The following MYCBP2 variants were observed in gnomAD, a reference collection of about 807,000 sequenced individuals.
MYCBP2 encodes E3 ubiquitin-protein ligase MYCBP2.
MYCBP2 carries 120 observed loss-of-function variants against 525.3 expected under a neutral mutation model. That is an observed-to-expected ratio of 0.23 (90% CI 0.20 to 0.27). MYCBP2 has a LOEUF of 0.27. Ranked by LOEUF, MYCBP2 falls within the 10% of genes least tolerant of loss-of-function variation. The pLI, the probability that MYCBP2 is intolerant of heterozygous loss-of-function variation, is 1.00. For synonymous variants in MYCBP2, 1,894 were observed against 1,955.8 expected, an observed-to-expected ratio of 0.97 and a Z score of 0.83; for missense variants, 4,149 against 5,657.1, an observed-to-expected ratio of 0.73 and a Z score of 8.55.
intron 26 of MYCBP2, 39 bp from the exon 27 acceptor site, chr13:77,194,283 C>A: frequency 7.3e-7 from 1 of 1,365,780 alleles, no homozygotes; most frequent in Non-Finnish European, 1.0e-6. Flanking sequence ...TATAAATCAG[C>A]TATACATATC....
At chr13:77,104,382 AG>A (rs2047543501) in intron 55 of MYCBP2, among the ~76,000 whole-genome samples, 1 of 152,148 alleles carries the variant, frequency 6.6e-6, no homozygotes, top group South Asian at 2.1e-4. Context: ...AGTGGTGAAC[AG>A]GAACAAAGTC....
At chr13:77,103,243 G>A (rs748261337) in intron 55 of MYCBP2, 11 of 397,750 alleles carry the variant, frequency 2.8e-5, no homozygotes, top group African/African-American at 8.2e-5. Flanking sequence ...AGAGAGCAGA[G>A]GCAGGCCCAG....
chr13:77,078,380 G>A (rs1234965103), intron 66 of MYCBP2, among the ~76,000 whole-genome samples: 1 of 152,158 alleles, frequency 6.6e-6, no homozygotes, highest in Non-Finnish European at 1.5e-5. Context: ...AACTTAACTT[G>A]TTTCTAAAGT....
chr13:77,166,379 T>C lies in MYCBP2; in HGVS notation c.6290A>G (p.Lys2097Arg), dbSNP rs1329084342. 5.0e-6 allele frequency: 8 copies of C among 1,614,054 alleles called. No homozygotes were observed. The South Asian group carries it at 6.6e-5, about 13-fold the overall frequency. ...CCACCCAGAGGATCCTGAAAATTTC[T>C]TTAATTCTATCCATGAATTAAGATT... Reference protein sequence around the residue: ...HENLNSWIELKKFSGSSGWPT... With the variant: ...HENLNSWIELRKFSGSSGWPT... The change falls in exon 41 of 83, where the codon AAG becomes AGG. Residue 2097 changes from lysine to arginine, a missense_variant. Lys to Arg is a conservative substitution (Grantham distance 26). Coordinates refer to ENST00000544440, the MANE Select transcript of MYCBP2 (RefSeq NM_015057.5).
intron 55 of MYCBP2, chr13:77,099,540 CAA>C (rs1594529306): frequency 6.0e-6 from 1 of 166,378 alleles, no homozygotes; most frequent in African/African-American, 2.4e-5. Flanking sequence ...ATTAGGCTAA[CAA>C]AGAGTTGCTT....
rs2082339882 is a variant in MYCBP2, at chr13:77,326,559, G to A, written c.217C>T (p.Leu73=). Residue 73 remains leucine (L), a synonymous_variant, in exon 1 of 83, where the codon CTG becomes TTG. Coordinates refer to ENST00000544440, the MANE Select transcript of MYCBP2 (RefSeq NM_015057.5). The surrounding 1 kb of genome is among the most constrained non-coding windows in gnomAD (Gnocchi z 4.2). ...HYQLLLSGRA[L]ADRYRRIYTA... ...TAAATCCTCCGGTAGCGGTCGGCCA[G>A]GGCCCGGCCTGACAGCAGCAGCTGG... 6.3e-7 allele frequency: 1 copy of A among 1,598,026 alleles called. No individual in the cohort carries two copies. Among genetic ancestry groups the A allele is most frequent in the Non-Finnish European group, 8.5e-7 (1 of 1,172,930 alleles).
chr13:77,319,401 C>T (rs1567249675), intron 1 of MYCBP2, among the ~76,000 whole-genome samples: 1 of 152,212 alleles, frequency 6.6e-6, no homozygotes, highest in Non-Finnish European at 1.5e-5. Context: ...CCAACCAGAA[C>T]ACTGACCTTA....
intron 23 of MYCBP2, among the ~76,000 whole-genome samples, chr13:77,208,564 A>G (rs1278931842): frequency 3.9e-5 from 6 of 152,208 alleles, no homozygotes; most frequent in Non-Finnish European, 7.3e-5. Flanking sequence ...TTAAATACTG[A>G]CTTGGAAAGA....
intron 55 of MYCBP2, among the ~76,000 whole-genome samples, chr13:77,101,643 C>T (rs533825109): frequency 2.0e-5 from 3 of 152,040 alleles, no homozygotes; most frequent in South Asian, 4.1e-4. Context: ...CAGCTAAATA[C>T]CTGTTGAAGT....
Position 77,098,161 on chromosome 13 carries a change from C to G in MYCBP2, c.8993G>C (p.Arg2998Thr). 6.2e-7 allele frequency: 1 copy of G among 1,613,658 alleles called. No homozygotes were observed. Among genetic ancestry groups the G allele is most frequent in the Non-Finnish European group, 8.5e-7 (1 of 1,179,758 alleles). Residue 2998 changes from arginine to threonine, a missense_variant, in exon 56 of 83, where the codon AGG becomes ACG. Arg to Thr is a moderately conservative substitution (Grantham distance 71). Coordinates refer to ENST00000544440, the MANE Select transcript of MYCBP2 (RefSeq NM_015057.5). Reference protein sequence around the residue: ...ISRKCANRHTRPKKEKSSFLF... With the variant: ...ISRKCANRHTTPKKEKSSFLF... ...AAAACTCGATTTTTCTTTTTTGGGCCTGGTGTGTCTATTAGCACATTTTCG... is the reference window on the plus strand; with the variant it reads ...AAAACTCGATTTTTCTTTTTTGGGCGTGGTGTGTCTATTAGCACATTTTCG...
At chr13:77,322,081 A>G (rs934369095) in intron 1 of MYCBP2, among the ~76,000 whole-genome samples, 1 of 152,198 alleles carries the variant, frequency 6.6e-6, no homozygotes, top group Admixed American at 6.5e-5. Context: ...AGATCACTTG[A>G]GCCCAAGAGG....
chr13:77,205,259 A>C lies in MYCBP2; in HGVS notation c.3840T>G (p.Ile1280Met). 6.3e-7 allele frequency: 1 copy of C among 1,582,774 alleles called. No individual in the cohort carries two copies. Among genetic ancestry groups the C allele is most frequent in the Non-Finnish European group, 8.6e-7 (1 of 1,162,768 alleles). ...CAACATTGTTGATGAACTTTACCTT[A>C]ATTTTAGCAGTATATTCTCCTCTAC... The part of the protein sequence containing the change: ...FGGRGEYTAK[I>M]KLFELGPDGG... The change falls in exon 26 of 83, where the codon ATT becomes ATG. Residue 1280 changes from isoleucine to methionine, a missense_variant. Physicochemically the swap from Ile to Met is conservative, Grantham distance 10 (BLOSUM62 1). This residue lies in a region of MYCBP2 where 620 missense variants were observed against 795.5 expected (regional missense o/e 0.78). Transcript: ENST00000544440.
At position 77,326,587 on chromosome 13, in the gene MYCBP2, G is replaced by T; in HGVS notation, c.189C>A (p.His63Gln). 6.3e-7 allele frequency: 1 copy of T among 1,594,346 alleles called. No individual in the cohort carries two copies. The change falls in exon 1 of 83, where the codon CAC becomes CAA. Residue 63 changes from histidine to glutamine, a missense_variant. Coordinates refer to ENST00000544440, the MANE Select transcript of MYCBP2 (RefSeq NM_015057.5). The surrounding 1 kb of genome is among the most constrained non-coding windows in gnomAD (Gnocchi z 4.2). Reference protein sequence around the residue: ...LGLPAADSRGHYQLLLSGRAL... With the variant: ...LGLPAADSRGQYQLLLSGRAL... ...CCCGGCCTGACAGCAGCAGCTGGTA[G>T]TGACCCCGGGAGTCCGCGGCGGGTA...
chr13:77,093,715 T>C (rs1159594422), intron 58 of MYCBP2, among the ~76,000 whole-genome samples: 1 of 152,156 alleles, frequency 6.6e-6, no homozygotes, highest in East Asian at 1.9e-4. Flanking sequence ...CTCAGAGCCA[T>C]TCTCTCTTCT....
chr13:77,085,110 A>T (rs780088582), intron 62 of MYCBP2, among the ~76,000 whole-genome samples: 1 of 152,098 alleles, frequency 6.6e-6, no homozygotes, highest in Non-Finnish European at 1.5e-5. Flanking sequence ...CATCGTAACT[A>T]TAACTAGAAC....
intron 47 of MYCBP2, among the ~76,000 whole-genome samples, chr13:77,148,623 A>G (rs2055993907): frequency 6.6e-6 from 1 of 152,024 alleles, no homozygotes; most frequent in Non-Finnish European, 1.5e-5. Flanking sequence ...CAAAATTTTA[A>G]TGCTAGATCC....
intron 34 of MYCBP2, among the ~76,000 whole-genome samples, chr13:77,178,201 TATA>T (rs1191415982): frequency 5.9e-5 from 9 of 152,242 alleles, no homozygotes; most frequent in Admixed American, 2.6e-4. Context: ...CCACTTAATT[TATA>T]ATGTCAGAAG....
chr13:77,176,086 T>G (rs1391928736), intron 36 of MYCBP2, among the ~76,000 whole-genome samples: 1 of 152,072 alleles, frequency 6.6e-6, no homozygotes, highest in African/African-American at 2.4e-5. Context: ...ATATTTATTT[T>G]TCATATTGTG....
At chr13:77,194,281 A>G in intron 26 of MYCBP2, 37 bp from the exon 27 acceptor site, 3 of 1,421,942 alleles carry the variant, frequency 2.1e-6, no homozygotes, top group Non-Finnish European at 3.0e-6. Flanking sequence ...TATATAAATC[A>G]GCTATACATA....
Sources: gnomAD v4.1 joint callset for allele counts (sites outside exome capture counted in the v4.1 genomes callset) on GRCh38, gnomAD v4.1.1 for gene constraint, gnomAD v4.1.1 regional missense constraint, Gnocchi (gnomAD v3.1) non-coding constraint, MANE v1.5 for transcripts, NCBI Gene and HGNC (gene_info 2026-07-23, HGNC 2026-07-21) for gene names.